IL31RA: variants seen among roughly 807,000 people sequenced by gnomAD.
The protein encoded by IL31RA is interleukin 31 receptor A.
IL31RA carries 66 observed loss-of-function variants against 83.7 expected under a neutral mutation model. The ratio of observed to expected loss-of-function variants is 0.79; its 90% confidence interval spans 0.65 to 0.97. IL31RA has a LOEUF of 0.97. Ranked by LOEUF, IL31RA falls within the 50% of genes least tolerant of loss-of-function variation. The pLI, the probability that IL31RA is intolerant of heterozygous loss-of-function variation, is 0.00. For synonymous variants in IL31RA, 325 were observed against 329.0 expected (o/e 0.99, Z 0.13); for missense variants, 798 against 919.4 (o/e 0.87, Z 1.71).
chr5:55,915,655 A>T lies in IL31RA; in HGVS notation c.1818+727A>T, dbSNP rs541772046. 2.6e-5 allele frequency among the ~76,000 whole-genome samples: 4 copies of T among 152,218 alleles called. No homozygotes were observed. In the East Asian group the frequency reaches 7.7e-4, roughly 29 times the overall value. Reference sequence around the variant, plus strand: ...TCCCACTCAGAAGTCTTTTTTGAGCATGGGCCTTTTGTTATAATGGGCTTT... The same window carrying T: ...TCCCACTCAGAAGTCTTTTTTGAGCTTGGGCCTTTTGTTATAATGGGCTTT... On this transcript the variant is annotated intron_variant, in intron 14 of 14. Coordinates refer to ENST00000652347, the MANE Select transcript of IL31RA (RefSeq NM_139017.7).
At chr5:55,852,092 A>C in intron 1 of IL31RA, 1 of 187,720 alleles carries the variant, frequency 5.3e-6, no homozygotes. Flanking sequence ...GGTTGAATAA[A>C]TTCAAGAAAT....
the IL31RA span, among the ~76,000 whole-genome samples, chr5:55,844,063 A>G: frequency 3.0e-4 from 45 of 152,208 alleles, no homozygotes; most frequent in Middle Eastern, 6.8e-3. Context: ...AGTTTGTTAC[A>G]TGGTATATTG....
rs748682126 is a variant in IL31RA, at chr5:55,896,411, A to G, written c.834A>G (p.Pro278=). Residue 278 remains proline (P), a synonymous_variant, in exon 7 of 15, where the codon CCA becomes CCG. Coordinates refer to ENST00000652347, the MANE Select transcript of IL31RA (RefSeq NM_139017.7). ...LKPAEADGRR[P]VRLLWKKARG... The stretch of plus-strand genomic sequence containing the variant: ...CAGCTGAGGCGGATGGAAGAAGGCC[A>G]GTGCGGTTGTTATGGAAGGTGACCT... The G allele has an allele frequency of 2.5e-6, 4 of 1,612,966 alleles. No individual in the cohort carries two copies. The African/African-American group carries it at 5.3e-5, about 22-fold the overall frequency.
At chr5:55,901,077 G>A (rs148975656) in intron 8 of IL31RA, among the ~76,000 whole-genome samples, 11 of 152,276 alleles carry the variant, frequency 7.2e-5, no homozygotes, top group Non-Finnish European at 1.5e-4. Context: ...TTCTCTGCCT[G>A]TGCTGCCTTC....
rs758628114 is a variant in IL31RA, at chr5:55,867,085, TTG to T, written c.155-1694_155-1693del. On this transcript the variant is annotated intron_variant, in intron 2 of 14. Coordinates refer to ENST00000652347, the MANE Select transcript of IL31RA (RefSeq NM_139017.7). ...TTAGTTCTTAGTTGTGCATGTGTGT[TTG>T]TGTGTGTGTGTTTGTGTGTGTGTGC... Among the ~76,000 whole-genome samples the T allele has an allele frequency of 3.1e-4, 27 of 87,710 alleles. 2 individuals carry two copies. The East Asian group carries it at 3.3e-3, about 11-fold the overall frequency. The allele number at this position is 87,710 out of a possible 152,430, so 57.5% of individuals were successfully genotyped here.
In IL31RA at chr5:55,852,513, G is replaced by C. The variant is rs1363639428; in HGVS notation, c.63+880G>C. ...CATAATTATAATCTTCTAGGTAAAA[G>C]ACTAGCTCTCTTTCTCACCCTTATT... is the stretch of plus-strand genomic sequence containing the variant. On this transcript the variant is annotated intron_variant, in intron 1 of 14. Coordinates refer to ENST00000652347, the MANE Select transcript of IL31RA (RefSeq NM_139017.7). Among the ~76,000 whole-genome samples, 4 of 152,178 alleles carry C rather than the reference G, an allele frequency of 2.6e-5. No homozygotes were observed. In the South Asian group the frequency reaches 8.3e-4, roughly 32 times the overall value.
upstream of IL31RA, among the ~76,000 whole-genome samples, chr5:55,849,218 T>A (rs942123225): frequency 4.7e-5 from 7 of 149,686 alleles, no homozygotes; most frequent in African/African-American, 1.7e-4. Flanking sequence ...TCTTTTAGCT[T>A]TTTTTTTTTC....
chr5:55,853,617 C>T (rs1250965774), intron 1 of IL31RA: 1 of 1,536,378 alleles, frequency 6.5e-7, no homozygotes, highest in African/African-American at 1.4e-5. Flanking sequence ...TCTTTTTCTA[C>T]TTTATAAAAG....
chr5:55,898,195 A>G (rs903272174), intron 7 of IL31RA, among the ~76,000 whole-genome samples: 1 of 152,152 alleles, frequency 6.6e-6, no homozygotes, highest in African/African-American at 2.4e-5. Context: ...ACACGCCCAC[A>G]TGTGGTCTTA....
At position 55,896,368 on chromosome 5, in the gene IL31RA, T is replaced by C. The variant is rs1748334916; in HGVS notation, c.791T>C (p.Leu264Pro). 3.7e-6 allele frequency: 6 copies of C among 1,613,352 alleles called. No homozygotes were observed. Among genetic ancestry groups the C allele is most frequent in the Non-Finnish European group, 5.1e-6 (6 of 1,179,476 alleles). Residue 264 changes from leucine (L) to proline (P), a missense_variant, in exon 7 of 15, where the codon CTG (leucine) becomes CCG (proline). Transcript: ENST00000652347. ...TEEEAPCGLE[L>P]WRVLKPAEAD... ...CTTACAGCTCCATGTGGCCTGGAACTGTGGAGAGTCCTGAAACCAGCTGAG... is the reference window on the plus strand; with the variant it reads ...CTTACAGCTCCATGTGGCCTGGAACCGTGGAGAGTCCTGAAACCAGCTGAG...
intron 2 of IL31RA, among the ~76,000 whole-genome samples, chr5:55,867,045 A>T (rs1418119409): frequency 6.6e-6 from 1 of 151,950 alleles, no homozygotes. Flanking sequence ...CATGGCCCTT[A>T]GTCTAAAATT....
chr5:55,876,345 G>T (rs1271663474), intron 4 of IL31RA, among the ~76,000 whole-genome samples: 1 of 152,192 alleles, frequency 6.6e-6, no homozygotes, highest in Admixed American at 6.5e-5. Flanking sequence ...AGCAGAGGTT[G>T]CAGTGAGCCG....
chr5:55,910,015 A>G (rs781589993), intron 11 of IL31RA, among the ~76,000 whole-genome samples: 1 of 152,046 alleles, frequency 6.6e-6, no homozygotes, highest in Non-Finnish European at 1.5e-5. Context: ...GCCCGTTTGT[A>G]TATCTTCTTT....
chr5:55,878,683 T>C (rs1398800160), intron 4 of IL31RA, among the ~76,000 whole-genome samples: 1 of 152,218 alleles, frequency 6.6e-6, no homozygotes, highest in Non-Finnish European at 1.5e-5. Context: ...AGACAGGGTC[T>C]GGCTCTGTTG....
chr5:55,896,417 G>C lies in IL31RA; in HGVS notation c.840G>C (p.Arg280=). The stretch of plus-strand genomic sequence containing the variant: ...AGGCGGATGGAAGAAGGCCAGTGCG[G>C]TTGTTATGGAAGGTGACCTCCCTCT... ...PAEADGRRPV[R]LLWKKARGAP... The change falls in exon 7 of 15, where the codon CGG becomes CGC. Residue 280 remains arginine, a synonymous_variant. Transcript: ENST00000652347. 6.2e-7 allele frequency: 1 copy of C among 1,612,348 alleles called. No homozygotes were observed. Among genetic ancestry groups the C allele is most frequent in the Non-Finnish European group, 8.5e-7 (1 of 1,178,488 alleles).
At chr5:55,846,198 TAAG>T in the IL31RA span, among the ~76,000 whole-genome samples, 6 of 152,364 alleles carry the variant, frequency 3.9e-5, no homozygotes, top group South Asian at 4.1e-4. Flanking sequence ...CTGATGGATC[TAAG>T]AAGAATTGTT....
In IL31RA at chr5:55,921,038, T is replaced by G. The variant is rs1404750440; in HGVS notation, c.*3918T>G. On this transcript the variant is annotated 3_prime_UTR_variant, in exon 15 of 15. Coordinates refer to ENST00000652347, the MANE Select transcript of IL31RA (RefSeq NM_139017.7). ...ACAGCCCTCACAACAAAGAATTATCTGGCAGAAAATGTCAGCAGTGCTGAG... is the reference window on the plus strand; with the variant it reads ...ACAGCCCTCACAACAAAGAATTATCGGGCAGAAAATGTCAGCAGTGCTGAG... Among the ~76,000 whole-genome samples the G allele has an allele frequency of 2.6e-5, 4 of 152,212 alleles. No individual in the cohort carries two copies. Among genetic ancestry groups the G allele is most frequent in the Admixed American group, 1.3e-4 (2 of 15,284 alleles).
At chr5:55,869,597 C>T (rs12522335) in intron 3 of IL31RA, among the ~76,000 whole-genome samples, 38,670 of 151,968 alleles carry the variant, frequency 0.25, 6,155 homozygotes, top group South Asian at 0.44. Context: ...CCTCAGCCTC[C>T]CAAGTAGCTG....
At chr5:55,857,072 C>T (rs183802725) in intron 1 of IL31RA, among the ~76,000 whole-genome samples, 51 of 151,496 alleles carry the variant, frequency 3.4e-4, no homozygotes, top group African/African-American at 1.2e-3. Flanking sequence ...TTTCTAAGCC[C>T]CTGGGAGGCA....
Sources: allele counts gnomAD v4.1 joint callset (sites outside exome capture counted in the v4.1 genomes callset), GRCh38; gene constraint gnomAD v4.1.1; transcripts MANE v1.5; gene names NCBI Gene and HGNC (gene_info 2026-07-23, HGNC 2026-07-21).